MTURN: variants seen among roughly 807,000 people sequenced by gnomAD.
The protein encoded by MTURN is maturin, neural progenitor differentiation regulator homolog, also known as maturin.
In MTURN, 7 loss-of-function variants were observed where a neutral mutation model predicts 14.9. The observed-to-expected ratio is 0.47, with a 90% CI of 0.27 to 0.88. The LOEUF is 0.88. Ranked by LOEUF, MTURN falls within the 40% of genes least tolerant of loss-of-function variation. MTURN has a pLI of 0.14. For synonymous variants in MTURN, 69 were observed against 72.5 expected, an observed-to-expected ratio of 0.95 and a Z score of 0.25; for missense variants, 151 against 174.1, an observed-to-expected ratio of 0.87 and a Z score of 0.75.
intron 1 of MTURN, among the ~76,000 whole-genome samples, chr7:30,135,900 T>G (rs565670395): frequency 2.0e-3 from 310 of 152,378 alleles, no homozygotes; most frequent in Non-Finnish European, 3.8e-3. Context: ...CGATGCCCGA[T>G]CTCCTGGACC....
At chr7:30,140,237 C>T (rs1797028066) in intron 1 of MTURN, among the ~76,000 whole-genome samples, 1 of 152,112 alleles carries the variant, frequency 6.6e-6, no homozygotes, top group Non-Finnish European at 1.5e-5. Flanking sequence ...GATTGCCCAG[C>T]CTTTCCTGTC....
chr7:30,135,170 A>G lies in MTURN; in HGVS notation c.34A>G (p.Lys12Glu), dbSNP rs1796924644. 28 of 1,480,130 alleles carry G rather than the reference A, an allele frequency of 1.9e-5. No homozygotes were observed. Among genetic ancestry groups the G allele is most frequent in the Non-Finnish European group, 2.5e-5 (28 of 1,110,794 alleles). 91.7% of individuals were successfully genotyped at this position (1,480,130 alleles called of 1,614,324 possible). ...CCAGCAGCTGGCCGACGTTGCGGAG[A>G]AATGGTGCTCCAACACGCCCTTCGA... ...DFQQLADVAE[K>E]WCSNTPFELI... The change falls in exon 1 of 3, where the codon AAA (lysine) becomes GAA (glutamate). Residue 12 changes from lysine to glutamate, a missense_variant. Transcript: ENST00000324453.
chr7:30,141,697 A>AT (rs1210663374), intron 1 of MTURN, among the ~76,000 whole-genome samples: 4 of 151,804 alleles, frequency 2.6e-5, no homozygotes, highest in African/African-American at 4.8e-5. Context: ...TATTTTTCTT[A>AT]TTTTTTGTGG....
intron 2 of MTURN, among the ~76,000 whole-genome samples, chr7:30,155,660 C>T (rs1029626437): frequency 1.3e-5 from 2 of 152,184 alleles, no homozygotes; most frequent in Non-Finnish European, 2.9e-5. Context: ...CTCTAAGGGG[C>T]GAGCGTGTGT....
chr7:30,153,866 C>T (rs13230282), intron 2 of MTURN, among the ~76,000 whole-genome samples: 3,681 of 152,210 alleles, frequency 0.024, 57 homozygotes, highest in Non-Finnish European at 0.037. Flanking sequence ...TATAGGCACA[C>T]GCCACCATGC....
At chr7:30,139,675 C>G (rs770545942) in intron 1 of MTURN, among the ~76,000 whole-genome samples, 1 of 152,178 alleles carries the variant, frequency 6.6e-6, no homozygotes, top group Non-Finnish European at 1.5e-5. Context: ...TGCAGAACAG[C>G]CCACAGGTGG....
chr7:30,136,158 T>G (rs537686989), intron 1 of MTURN, among the ~76,000 whole-genome samples: 3 of 152,330 alleles, frequency 2.0e-5, no homozygotes, highest in African/African-American at 4.8e-5. Context: ...CCGTTGGCTT[T>G]TCCAGATGAC....
rs537173857 is a variant in MTURN at position 30,155,158 on chromosome 7, A to G, written c.286-2280A>G. Among the ~76,000 whole-genome samples, 41 of 152,248 alleles carry G rather than the reference A, an allele frequency of 2.7e-4. No homozygotes were observed. In the East Asian group the frequency reaches 7.5e-3, roughly 28 times the overall value. On this transcript the variant is annotated intron_variant, in intron 2 of 2. Transcript: ENST00000324453. ...TTGCTAGTTGACCACAGTGTTTTCC[A>G]CGGGGCCTCAGAATCCTGAAACTCC...
At chr7:30,149,645 G>A (rs374404808) in intron 2 of MTURN, among the ~76,000 whole-genome samples, 2 of 152,164 alleles carry the variant, frequency 1.3e-5, no homozygotes, top group African/African-American at 4.8e-5. Flanking sequence ...TTTGTTTTAC[G>A]TAAGGGAGGT....
intron 2 of MTURN, among the ~76,000 whole-genome samples, chr7:30,152,763 G>T (rs761793881): frequency 6.6e-4 from 100 of 152,136 alleles, no homozygotes; most frequent in Admixed American, 4.8e-3. Flanking sequence ...ACCTCAATAT[G>T]GCCTCACATA....
rs922444040 is a variant in MTURN at position 30,159,228 on chromosome 7, C to T, written c.*1680C>T. 1.3e-5 allele frequency: 2 copies of T among 152,204 alleles called. No homozygotes were observed. The highest frequency in any genetic ancestry group is 2.9e-5 in the Non-Finnish European group (2 of 68,034). 9.4% of individuals were successfully genotyped at this position (152,204 alleles called of 1,614,324 possible). ...CAAGTAGCCTATTAGTAAAACACAA[C>T]TTAGTGTTTCATCCATTGGGGTGAG... On this transcript the variant is annotated 3_prime_UTR_variant, in exon 3 of 3. Coordinates refer to ENST00000324453, the MANE Select transcript of MTURN (RefSeq NM_152793.3).
intron 2 of MTURN, among the ~76,000 whole-genome samples, chr7:30,146,808 G>C (rs1486542255): frequency 6.6e-6 from 1 of 152,134 alleles, no homozygotes; most frequent in African/African-American, 2.4e-5. Context: ...CTGTTGCTTT[G>C]TTTTCCCCTT....
Position 30,159,060 on chromosome 7 carries a change from G to A in MTURN, c.*1512G>A, listed in dbSNP as rs751078221. 2.0e-5 allele frequency: 3 copies of A among 152,196 alleles called. No individual in the cohort carries two copies. The highest frequency in any genetic ancestry group is 1.9e-4 in the East Asian group (1 of 5,196). 9.4% of individuals were successfully genotyped at this position (152,196 alleles called of 1,614,324 possible). A position where few individuals can be genotyped will look rare whatever the true frequency, so the allele number is the denominator to read the frequency against. On this transcript the variant is annotated 3_prime_UTR_variant, in exon 3 of 3. Coordinates refer to ENST00000324453, the MANE Select transcript of MTURN (RefSeq NM_152793.3). ...GGTGCTGTGAGGAGTTCGGCTGCTC[G>A]TGGTAAAACAGCGTACTCCAGTTTT...
At chr7:30,153,255 AGAGGT>A (rs1238486147) in intron 2 of MTURN, among the ~76,000 whole-genome samples, 6 of 152,152 alleles carry the variant, frequency 3.9e-5, no homozygotes, top group Non-Finnish European at 8.8e-5. Flanking sequence ...GATTAAGCAT[AGAGGT>A]GAGGATGCTA....
intron 1 of MTURN, among the ~76,000 whole-genome samples, chr7:30,139,835 T>C (rs1190403746): frequency 6.6e-6 from 1 of 152,200 alleles, no homozygotes; most frequent in Non-Finnish European, 1.5e-5. Context: ...TCCCTCTACC[T>C]GGGACCCCTC....
At chr7:30,140,006 C>T (rs1416065819) in intron 1 of MTURN, among the ~76,000 whole-genome samples, 1 of 152,180 alleles carries the variant, frequency 6.6e-6, no homozygotes, top group Middle Eastern at 3.2e-3. Context: ...TTTCTGCCAA[C>T]TTGGAAGGTC....
chr7:30,146,550 G>T (rs563082784), intron 2 of MTURN, among the ~76,000 whole-genome samples: 14 of 116,586 alleles, frequency 1.2e-4, no homozygotes, highest in Admixed American at 5.2e-4. Flanking sequence ...AATCCCTGAT[G>T]GGGGGGGAAG....
At chr7:30,136,243 C>G (rs1796958613) in intron 1 of MTURN, among the ~76,000 whole-genome samples, 2 of 152,226 alleles carry the variant, frequency 1.3e-5, no homozygotes, top group South Asian at 4.1e-4. Context: ...ACTTTGAATC[C>G]TGCACCCACC....
rs1453430336 is a variant in MTURN at position 30,160,149 on chromosome 7, TGTGA to T, written c.*2604_*2607del. On this transcript the variant is annotated 3_prime_UTR_variant, in exon 3 of 3. Transcript: ENST00000324453. Reference sequence around the variant, plus strand: ...CTTCTGTGCCTGCCTTATGTGTGTGTGTGAGTAAGGAGCAACAGTCAAGGAAACT... The same window carrying T: ...CTTCTGTGCCTGCCTTATGTGTGTGTGTAAGGAGCAACAGTCAAGGAAACT... 1.3e-5 allele frequency: 2 copies of T among 152,342 alleles called. No individual in the cohort carries two copies. The highest frequency in any genetic ancestry group is 2.4e-5 in the African/African-American group (1 of 41,464). 9.4% of individuals were successfully genotyped at this position (152,342 alleles called of 1,614,324 possible).
Sources: allele counts gnomAD v4.1 joint callset (sites outside exome capture counted in the v4.1 genomes callset), GRCh38; gene constraint gnomAD v4.1.1; transcripts MANE v1.5; gene names NCBI Gene and HGNC (gene_info 2026-07-23, HGNC 2026-07-21).